Variants in KMT2C observed in about 807,000 individuals in gnomAD.
KMT2C encodes histone-lysine N-methyltransferase 2C.
Under a neutral mutation model 507.9 loss-of-function variants are expected in KMT2C, and 88 were observed. The ratio of observed to expected loss-of-function variants is 0.17; its 90% confidence interval spans 0.15 to 0.21. KMT2C has a LOEUF of 0.21. KMT2C is among the 10% of genes least tolerant of loss of function. KMT2C has a pLI of 1.00. For synonymous variants in KMT2C, 2,049 were observed against 2,080.8 expected (o/e 0.98, Z 0.42); for missense variants, 4,954 against 5,957.8 (o/e 0.83, Z 5.55).
intron 1 of KMT2C, among the ~76,000 whole-genome samples, chr7:152,427,628 G>A (rs1467179632): frequency 1.3e-5 from 2 of 152,090 alleles, no homozygotes; most frequent in Non-Finnish European, 2.9e-5. Context: ...TTGTCCATTT[G>A]TCATGAGAAT....
In KMT2C at chr7:152,178,015, T is replaced by TATA. The variant is rs2093280814; in HGVS notation, c.7443-6_7443-5insTAT. The TATA allele has an allele frequency of 2.5e-6, 2 of 811,048 alleles. No homozygotes were observed. Among genetic ancestry groups the TATA allele is most frequent in the Non-Finnish European group, 2.9e-6 (2 of 681,708 alleles). The allele number at this position is 811,048 out of a possible 1,614,324, so 50.2% of individuals were successfully genotyped here. On this transcript the variant is annotated splice_polypyrimidine_tract_variant and splice_region_variant and intron_variant, in intron 37 of 58. Coordinates refer to ENST00000262189, the MANE Select transcript of KMT2C (RefSeq NM_170606.3). ...CTACCTCCTGGAAATCCAAATCTTT[T>TATA]AAAAAAAAAAAAAAAAAAAAAAAAA...
chr7:152,433,404 T>C (rs907103447), intron 1 of KMT2C, among the ~76,000 whole-genome samples: 2 of 142,004 alleles, frequency 1.4e-5, no homozygotes, highest in East Asian at 2.0e-4. Context: ...TCTTATACAG[T>C]ATAGAGATAC....
At chr7:152,324,361 A>G (rs558807560) in intron 3 of KMT2C, among the ~76,000 whole-genome samples, 4 of 151,686 alleles carry the variant, frequency 2.6e-5, no homozygotes, top group Admixed American at 1.3e-4. Context: ...AAGGTAATGG[A>G]TGTTAATTTA....
intron 9 of KMT2C, among the ~76,000 whole-genome samples, chr7:152,261,976 C>CA (rs1190237930): frequency 1.3e-5 from 2 of 152,054 alleles, no homozygotes; most frequent in African/African-American, 4.8e-5. Flanking sequence ...CTTTTTCCCC[C>CA]CAGGAGAGAA....
chr7:152,305,554 CTT>C (rs749256774), intron 6 of KMT2C, among the ~76,000 whole-genome samples: 6 of 142,456 alleles, frequency 4.2e-5, no homozygotes, highest in South Asian at 2.3e-4. Flanking sequence ...AGCAAGGAAT[CTT>C]TTTTTTTTTT....
At chr7:152,232,656 ATTTT>A (rs376138093) in intron 16 of KMT2C, among the ~76,000 whole-genome samples, 1 of 151,994 alleles carries the variant, frequency 6.6e-6, no homozygotes, top group African/African-American at 2.4e-5. Context: ...TAATGCTTTA[ATTTT>A]TTTTAATAGA....
rs1189672992 is a variant in KMT2C, at chr7:152,248,617, G to A, written c.1817C>T (p.Ser606Leu). 6 of 1,588,358 alleles carry A rather than the reference G, an allele frequency of 3.8e-6. No homozygotes were observed. The highest frequency in any genetic ancestry group is 5.2e-6 in the Non-Finnish European group (6 of 1,161,894). ...TTCAGTATTCACTGTATGTTGGGAT[G>A]ATACTACAAAATTCAGAACATTTGT... ...LDTDSLLIAVSSQHTVNTELE... is the reference protein window; with the variant it reads ...LDTDSLLIAVLSQHTVNTELE... The change falls in exon 14 of 59, where the codon TCA becomes TTA. Residue 606 changes from serine (S) to leucine (L), a missense_variant. By Grantham distance (145) the Ser-to-Leu change is moderately radical. Transcript: ENST00000262189.
chr7:152,184,094 T>G (rs1388754566), intron 34 of KMT2C, among the ~76,000 whole-genome samples: 1 of 143,178 alleles, frequency 7.0e-6, no homozygotes, highest in East Asian at 2.0e-4. Context: ...AAAAAAAATT[T>G]AGAAAAAAGG....
At chr7:152,282,951 CA>C (rs900960122) in intron 6 of KMT2C, among the ~76,000 whole-genome samples, 42 of 152,136 alleles carry the variant, frequency 2.8e-4, no homozygotes, top group Non-Finnish European at 4.7e-4. Context: ...TTCTTTCTCA[CA>C]TGAAATTCTA....
In KMT2C at chr7:152,162,650, T is replaced by C. The variant is rs763630137; in HGVS notation, c.10927A>G (p.Thr3643Ala). The C allele has an allele frequency of 6.2e-7, 1 of 1,614,048 alleles. No individual in the cohort carries two copies. Among genetic ancestry groups the C allele is most frequent in the Middle Eastern group, 1.6e-4 (1 of 6,062 alleles). The change falls in exon 43 of 59, where the codon ACT becomes GCT. Residue 3643 changes from threonine (T) to alanine (A), a missense_variant. By Grantham distance (58) the Thr-to-Ala change is moderately conservative (BLOSUM62 0). Coordinates refer to ENST00000262189, the MANE Select transcript of KMT2C (RefSeq NM_170606.3). ...PTPGISETTS[T>A]PAVSTPSELP... ...TCACTGGGTGTGCTCACTGCAGGAG[T>C]AGAGGTAGTTTCTGAGATGCCTGGA... is the stretch of plus-strand genomic sequence containing the variant.
At chr7:152,429,610 T>C (rs1401137797) in intron 1 of KMT2C, among the ~76,000 whole-genome samples, 2 of 151,770 alleles carry the variant, frequency 1.3e-5, no homozygotes, top group Non-Finnish European at 2.9e-5. Context: ...AACCTCTGCC[T>C]CCTGGGTTCA....
intron 1 of KMT2C, among the ~76,000 whole-genome samples, chr7:152,373,043 A>T (rs150353234): frequency 6.6e-6 from 1 of 152,366 alleles, no homozygotes; most frequent in Admixed American, 6.5e-5. Flanking sequence ...ACTAGAAATC[A>T]ATGACATAGG....
At position 152,162,843 on chromosome 7, in the gene KMT2C, A is replaced by C; in HGVS notation, c.10734T>G (p.His3578Gln). The change falls in exon 43 of 59, where the codon CAT becomes CAG. Residue 3578 changes from histidine (H) to glutamine (Q), a missense_variant. Coordinates refer to ENST00000262189, the MANE Select transcript of KMT2C (RefSeq NM_170606.3). ...LPCGQDSTITHGHSYPGSTQS... is the reference protein window; with the variant it reads ...LPCGQDSTITQGHSYPGSTQS... ...GGGTTGATCCCGGATAACTGTGTCC[A>C]TGGGTTATAGTAGAATCTTGGCCAC... The C allele has an allele frequency of 1.9e-6, 3 of 1,614,150 alleles. No individual in the cohort carries two copies. The highest frequency in any genetic ancestry group is 2.5e-6 in the Non-Finnish European group (3 of 1,180,028).
chr7:152,294,129 C>A (rs1289684873), intron 6 of KMT2C, among the ~76,000 whole-genome samples: 2 of 151,980 alleles, frequency 1.3e-5, no homozygotes, highest in Non-Finnish European at 2.9e-5. Context: ...CTCAGCCTCC[C>A]AAAGTGCTGG....
At chr7:152,170,959 G>C (rs1052799256) in intron 40 of KMT2C, among the ~76,000 whole-genome samples, 4 of 152,112 alleles carry the variant, frequency 2.6e-5, no homozygotes, top group African/African-American at 7.2e-5. Context: ...CTTTTTACCC[G>C]TAAGTATATA....
chr7:152,259,391 CT>C (rs2095716975), intron 9 of KMT2C, among the ~76,000 whole-genome samples: 1 of 151,128 alleles, frequency 6.6e-6, no homozygotes, highest in Non-Finnish European at 1.5e-5. Flanking sequence ...GTAATTAACC[CT>C]CAAATAGTAG....
chr7:152,142,445 A>C (rs2090674228), intron 55 of KMT2C, among the ~76,000 whole-genome samples: 1 of 152,260 alleles, frequency 6.6e-6, no homozygotes, highest in South Asian at 2.1e-4. Flanking sequence ...AAAAAATAGT[A>C]ACACCAGCTA....
At chr7:152,214,768 T>C (rs1411798603) in intron 23 of KMT2C, among the ~76,000 whole-genome samples, 1 of 151,210 alleles carries the variant, frequency 6.6e-6, no homozygotes, top group Non-Finnish European at 1.5e-5. Flanking sequence ...GCTGAACGTA[T>C]AGAGAGTAGA....
chr7:152,308,457 C>T (rs1364522272), intron 6 of KMT2C, among the ~76,000 whole-genome samples: 1 of 151,296 alleles, frequency 6.6e-6, no homozygotes, highest in Non-Finnish European at 1.5e-5. Context: ...AGGCAGATCA[C>T]CTGAGGTCAG....
Sources: gnomAD v4.1 joint callset for allele counts (sites outside exome capture counted in the v4.1 genomes callset) on GRCh38, gnomAD v4.1.1 for gene constraint, MANE v1.5 for transcripts, NCBI Gene and HGNC (gene_info 2026-07-23, HGNC 2026-07-21) for gene names.